The following POU2F1 variants were observed in gnomAD, a reference collection of about 807,000 sequenced individuals.
POU2F1 encodes POU domain, class 2, transcription factor 1.
A neutral mutation model predicts 84.9 loss-of-function variants in POU2F1; 16 were observed. The observed-to-expected ratio is 0.19, with a 90% CI of 0.13 to 0.29. The LOEUF (loss-of-function observed/expected upper bound fraction) is 0.29, where lower values mean the gene tolerates loss of function less well. POU2F1 is among the 10% of genes least tolerant of loss of function. The pLI, the probability that POU2F1 is intolerant of heterozygous loss-of-function variation, is 1.00. For missense variants in POU2F1, 738 were observed against 942.6 expected, an observed-to-expected ratio of 0.78 and a Z score of 2.84; for synonymous variants, 368 against 368.3, an observed-to-expected ratio of 1.00 and a Z score of 0.01.
chr1:167,237,762 ATATATATATATTTTTTTTTTTTTTT>A (rs1438024928), intron 1 of POU2F1, among the ~76,000 whole-genome samples: 1 of 20,000 alleles, frequency 5.0e-5, no homozygotes, highest in African/African-American at 1.2e-4. Flanking sequence ...ATATATATAT[ATATATATATATTTTTTTTTTTTTTT>A]TTTTTTTTTT....
intron 1 of POU2F1, among the ~76,000 whole-genome samples, chr1:167,238,604 G>A (rs1649672282): frequency 6.6e-6 from 1 of 152,156 alleles, no homozygotes; most frequent in Non-Finnish European, 1.5e-5. Context: ...GCAGTTAATT[G>A]GTGGGAGATG....
At chr1:167,390,769 G>A (rs1648340223) in intron 9 of POU2F1, among the ~76,000 whole-genome samples, 1 of 152,064 alleles carries the variant, frequency 6.6e-6, no homozygotes, top group Admixed American at 6.5e-5. Flanking sequence ...CAGCCTGGGT[G>A]ACAGAGCAAG....
chr1:167,282,053 G>A (rs936774077), intron 1 of POU2F1, among the ~76,000 whole-genome samples: 2 of 151,880 alleles, frequency 1.3e-5, no homozygotes, highest in African/African-American at 4.8e-5. Flanking sequence ...TCTTGCCTAG[G>A]GTTCATGGAC....
chr1:167,413,469 C>T (rs1224833153), intron 15 of POU2F1, among the ~76,000 whole-genome samples: 3 of 152,122 alleles, frequency 2.0e-5, no homozygotes, highest in African/African-American at 7.2e-5. Flanking sequence ...TAATCTAAAA[C>T]CCGTCTCTAG....
At position 167,220,948 on chromosome 1, in the gene POU2F1, A is replaced by C; in HGVS notation, c.51A>C (p.Ala17=). ...ASQDESSAAA[A]AAADSRMNNP... Reference sequence around the variant, plus strand: ...AAGATGAGAGTTCAGCCGCGGCGGCAGCAGCAGCAGGTAATCATTACAGCA... The same window carrying C: ...AAGATGAGAGTTCAGCCGCGGCGGCCGCAGCAGCAGGTAATCATTACAGCA... The change falls in exon 1 of 16, where the codon GCA becomes GCC. Residue 17 remains alanine (A), a synonymous_variant. Coordinates refer to ENST00000367866, the MANE Select transcript of POU2F1 (RefSeq NM_002697.4). The C allele has an allele frequency of 6.5e-7, 1 of 1,534,120 alleles. No homozygotes were observed. The highest frequency in any genetic ancestry group is 8.7e-7 in the Non-Finnish European group (1 of 1,145,796).
chr1:167,324,778 G>A (rs1349826789), intron 1 of POU2F1, among the ~76,000 whole-genome samples: 1 of 152,158 alleles, frequency 6.6e-6, no homozygotes, highest in Non-Finnish European at 1.5e-5. Flanking sequence ...ATTTGGCAGT[G>A]CTTAATAGCC....
At chr1:167,299,700 T>TTG (rs1374485477) in intron 1 of POU2F1, among the ~76,000 whole-genome samples, 1 of 151,828 alleles carries the variant, frequency 6.6e-6, no homozygotes, top group African/African-American at 2.4e-5. Flanking sequence ...CCAGAGTTTT[T>TTG]TTTTTTTCAT....
At chr1:167,336,334 C>T (rs1657441331) in intron 2 of POU2F1, among the ~76,000 whole-genome samples, 1 of 152,154 alleles carries the variant, frequency 6.6e-6, no homozygotes, top group Admixed American at 6.5e-5. Flanking sequence ...ATTTAAAATG[C>T]CATGTGACCC....
At chr1:167,249,938 T>G (rs1650598592) in intron 1 of POU2F1, among the ~76,000 whole-genome samples, 1 of 152,224 alleles carries the variant, frequency 6.6e-6, no homozygotes, top group African/African-American at 2.4e-5. Flanking sequence ...TGCCCACTTC[T>G]TGCTGTCAGA....
At chr1:167,353,456 A>G (rs567470370) in intron 2 of POU2F1, among the ~76,000 whole-genome samples, 30 of 151,338 alleles carry the variant, frequency 2.0e-4, no homozygotes, top group Admixed American at 4.6e-4. Flanking sequence ...CTATCTTTCA[A>G]CCGCTATTGT....
intron 6 of POU2F1, among the ~76,000 whole-genome samples, chr1:167,375,494 A>T (rs908690375): frequency 1.3e-5 from 2 of 152,186 alleles, no homozygotes; most frequent in Non-Finnish European, 2.9e-5. Context: ...TTTTATATGG[A>T]TAGCTATTTT....
intron 10 of POU2F1, among the ~76,000 whole-genome samples, chr1:167,397,655 C>T (rs113648956): frequency 0.019 from 2,887 of 152,286 alleles, 88 homozygotes; most frequent in African/African-American, 0.065. Context: ...AAGTGATTCT[C>T]CTGCCTCAGC....
intron 1 of POU2F1, among the ~76,000 whole-genome samples, chr1:167,229,887 C>A (rs905830077): frequency 6.6e-6 from 1 of 152,168 alleles, no homozygotes; most frequent in Admixed American, 6.5e-5. Context: ...ATACAACTTA[C>A]CTTGATTTCA....
At chr1:167,329,296 C>T in intron 1 of POU2F1, 1 of 1,549,022 alleles carries the variant, frequency 6.5e-7, no homozygotes, top group Non-Finnish European at 8.7e-7. Flanking sequence ...ACTGCAGTGA[C>T]TATGTTCTAG....
At chr1:167,304,997 T>G (rs1654965098) in intron 1 of POU2F1, among the ~76,000 whole-genome samples, 1 of 152,170 alleles carries the variant, frequency 6.6e-6, no homozygotes, top group Admixed American at 6.5e-5. Context: ...TGAATGAAAC[T>G]GTAATGATGA....
chr1:167,228,014 T>C (rs1648767600), intron 1 of POU2F1, among the ~76,000 whole-genome samples: 1 of 152,210 alleles, frequency 6.6e-6, no homozygotes, highest in Admixed American at 6.5e-5. Context: ...CTTCTAACTT[T>C]CTCCCACCTC....
intron 9 of POU2F1, among the ~76,000 whole-genome samples, chr1:167,393,651 C>G (rs1326120266): frequency 1.3e-5 from 2 of 152,122 alleles, no homozygotes. Context: ...GGCACATGCA[C>G]CACACACAGC....
intron 1 of POU2F1, among the ~76,000 whole-genome samples, chr1:167,274,715 T>C (rs1269405278): frequency 6.6e-6 from 1 of 152,140 alleles, no homozygotes; most frequent in African/African-American, 2.4e-5. Flanking sequence ...GGGTTGGGAG[T>C]TAAAATAGTT....
intron 1 of POU2F1, among the ~76,000 whole-genome samples, chr1:167,323,954 A>G (rs1435958605): frequency 6.6e-6 from 1 of 152,156 alleles, no homozygotes; most frequent in African/African-American, 2.4e-5. Flanking sequence ...AGGACTCCCA[A>G]AGTGTTGGGA....
Sources: gnomAD v4.1 joint callset for allele counts (sites outside exome capture counted in the v4.1 genomes callset) on GRCh38, gnomAD v4.1.1 for gene constraint, MANE v1.5 for transcripts, NCBI Gene and HGNC (gene_info 2026-07-23, HGNC 2026-07-21) for gene names.